NBPF4: variants seen among roughly 807,000 people sequenced by gnomAD.
NBPF4 encodes NBPF family member NBPF4.
A neutral mutation model predicts 21.1 loss-of-function variants in NBPF4; 11 were observed. The ratio of observed to expected loss-of-function variants is 0.52; its 90% CI spans 0.33 to 0.86. The LOEUF (loss-of-function observed/expected upper bound fraction) is 0.86, where lower values mean the gene tolerates loss of function less well. NBPF4 is among the 40% of genes least tolerant of loss of function. The pLI, the probability that NBPF4 is intolerant of heterozygous loss-of-function variation, is 0.03. For synonymous variants in NBPF4, 47 were observed against 106.4 expected, an observed-to-expected ratio of 0.44 and a Z score of 3.43; for missense variants, 88 against 265.3, an observed-to-expected ratio of 0.33 and a Z score of 4.64.
chr1:108,258,445 AATAGAATTGATTTTTGT>A, the NBPF4 span, among the ~76,000 whole-genome samples: 1 of 139,846 alleles, frequency 7.2e-6, no homozygotes, highest in African/African-American at 2.7e-5. Flanking sequence ...AATTACATAA[AATAGAATTGATTTTTGT>A]ATATTGACGT....
chr1:108,228,453 AG>A (rs1451663951), intron 13 of NBPF4, among the ~76,000 whole-genome samples: 21 of 150,136 alleles, frequency 1.4e-4, no homozygotes, highest in African/African-American at 4.9e-4. Context: ...GAGAAAGGAA[AG>A]GAAGAGGGGT....
At chr1:108,259,699 C>T in the NBPF4 span, among the ~76,000 whole-genome samples, 1 of 149,028 alleles carries the variant, frequency 6.7e-6, no homozygotes, top group Non-Finnish European at 1.5e-5. Context: ...ACAGTGAGAC[C>T]TCATCTTCTT....
At chr1:108,228,466 C>T (rs3870740) in intron 13 of NBPF4, among the ~76,000 whole-genome samples, 40,084 of 144,836 alleles carry the variant, frequency 0.28, 2,632 homozygotes, top group East Asian at 0.42. Flanking sequence ...AAGAGGGGTC[C>T]TAGAAAGCAG....
chr1:108,222,807 T>C lies in NBPF4; in HGVS notation c.*898A>G, dbSNP rs1194217047. Among the ~76,000 whole-genome samples, 1 of 152,212 alleles carries C rather than the reference T, an allele frequency of 6.6e-6. No individual in the cohort carries two copies. Among genetic ancestry groups the C allele is most frequent in the East Asian group, 1.9e-4 (1 of 5,188 alleles). ...TCACTAGAATACAGGATATTTATAC[T>C]ATTTCAAACCACTTTCCAAATTACT... On this transcript the variant is annotated 3_prime_UTR_variant, in exon 15 of 15. Transcript: ENST00000415641.
At chr1:108,246,199 A>G (rs1399072277), upstream of NBPF4, among the ~76,000 whole-genome samples, 1 of 121,368 alleles carries the variant, frequency 8.2e-6, no homozygotes, top group Non-Finnish European at 1.7e-5. Flanking sequence ...GGCTGCTGAG[A>G]GGCATGCTTT....
the NBPF4 span, among the ~76,000 whole-genome samples, chr1:108,257,889 C>G: frequency 2.5e-4 from 36 of 141,224 alleles, no homozygotes; most frequent in Admixed American, 7.2e-4. Flanking sequence ...GTTGGAATTA[C>G]AGGAGTGCAT....
Position 108,226,449 on chromosome 1 carries a change from T to A in NBPF4, c.1875+230A>T, listed in dbSNP as rs556862919. Among the ~76,000 whole-genome samples, 12 of 150,608 alleles carry A rather than the reference T, an allele frequency of 8.0e-5. No homozygotes were observed. In the East Asian group the frequency reaches 2.1e-3, roughly 27 times the overall value. ...TCTCCTGTGGCCATGAGAGGGACTC[T>A]CAAGACAGCAGAAAAAGGAATAGAG... On this transcript the variant is annotated intron_variant, in intron 14 of 14. Transcript: ENST00000415641.
upstream of NBPF4, among the ~76,000 whole-genome samples, chr1:108,244,949 C>T (rs1333853116): frequency 8.4e-3 from 213 of 25,332 alleles, 14 homozygotes; most frequent in African/African-American, 0.023. Flanking sequence ...TATATATATA[C>T]ACACACATAT....
At chr1:108,246,329 G>A (rs1866806), upstream of NBPF4, among the ~76,000 whole-genome samples, 7,006 of 99,362 alleles carry the variant, frequency 0.071, 505 homozygotes, top group East Asian at 0.16. Flanking sequence ...GATACAATAT[G>A]TATTTTATGG....
At chr1:108,264,120 G>A in the NBPF4 span, among the ~76,000 whole-genome samples, 117 of 137,942 alleles carry the variant, frequency 8.5e-4, no homozygotes, top group South Asian at 0.019. Flanking sequence ...AAGACTCATC[G>A]GTATGCTGTA....
At chr1:108,259,364 G>A in the NBPF4 span, among the ~76,000 whole-genome samples, 2 of 143,290 alleles carry the variant, frequency 1.4e-5, no homozygotes, top group Non-Finnish European at 3.0e-5. Context: ...TTTCTCAAAT[G>A]TTTATCTATA....
upstream of NBPF4, among the ~76,000 whole-genome samples, chr1:108,244,909 T>G (rs1239738992): frequency 2.6e-4 from 8 of 30,808 alleles, no homozygotes; most frequent in African/African-American, 1.1e-3. Context: ...GAGATATATA[T>G]ATATATATAT....
rs3069056 is a variant in NBPF4, at chr1:108,241,321, A to AAT, written c.279-159_279-158dup. ...AATGTCTGTGGCCAAGAGAAAGAAG[A>AAT]ATATATATATATATATATACACACA... On this transcript the variant is annotated intron_variant, in intron 3 of 14. Coordinates refer to ENST00000415641, the MANE Select transcript of NBPF4 (RefSeq NM_001143989.3). Among the ~76,000 whole-genome samples the AAT allele has an allele frequency of 1.5e-3, 190 of 124,472 alleles. 9 individuals are homozygous for AAT. Among genetic ancestry groups the AAT allele is most frequent in the East Asian group, 3.2e-3 (14 of 4,358 alleles). The allele number at this position is 124,472 out of a possible 152,430, so 81.7% of individuals were successfully genotyped here. A position where few individuals can be genotyped will look rare whatever the true frequency, so the allele number is the denominator to read the frequency against.
In NBPF4 at chr1:108,229,157, C is replaced by A; in HGVS notation, c.1424-1G>T. On this transcript the variant is annotated splice_acceptor_variant, in intron 12 of 14. Transcript: ENST00000415641. LOFTEE classifies it high-confidence loss of function. ...TGGGGACAGGCCGCCTCGGTGGGGG[C>A]TGAAAGGAGAAGGGGCTTCAGTAGG... The A allele has an allele frequency of 1.3e-6, 2 of 1,545,744 alleles. No individual in the cohort carries two copies. The highest frequency in any genetic ancestry group is 1.8e-6 in the Non-Finnish European group (2 of 1,142,146).
intron 14 of NBPF4, among the ~76,000 whole-genome samples, chr1:108,225,650 TTC>T (rs1173884320): frequency 1.5e-3 from 76 of 51,204 alleles, no homozygotes; most frequent in African/African-American, 4.8e-3. Context: ...GATTTTAGCC[TTC>T]TCTCTGACAA....
chr1:108,244,901 G>GATATATATATAT (rs1173565670), upstream of NBPF4, among the ~76,000 whole-genome samples: 38 of 12,430 alleles, frequency 3.1e-3, no homozygotes, highest in Non-Finnish European at 3.5e-3. Context: ...TATTGTTGGA[G>GATATATATATAT]ATATATATAT....
chr1:108,263,644 AG>A, the NBPF4 span, among the ~76,000 whole-genome samples: 1 of 87,808 alleles, frequency 1.1e-5, no homozygotes, highest in South Asian at 4.8e-4. Flanking sequence ...GCAGCCAGAA[AG>A]AAAGGCCAGG....
chr1:108,234,068 CCT>C (rs1322888596), intron 10 of NBPF4, among the ~76,000 whole-genome samples, 172 bp downstream of exon 10: 1 of 47,662 alleles, frequency 2.1e-5, no homozygotes, highest in Non-Finnish European at 5.3e-5. Flanking sequence ...CTGACCCACC[CCT>C]GTCTGTGCTT....
At chr1:108,247,476 G>C, upstream of NBPF4, among the ~76,000 whole-genome samples, 1 of 151,792 alleles carries the variant, frequency 6.6e-6, no homozygotes, top group Non-Finnish European at 1.5e-5. Flanking sequence ...CTGATACCAC[G>C]GACCTTACAG....
Sources: allele counts gnomAD v4.1 joint callset (sites outside exome capture counted in the v4.1 genomes callset), GRCh38; gene constraint gnomAD v4.1.1; transcripts MANE v1.5; gene names NCBI Gene and HGNC (gene_info 2026-07-23, HGNC 2026-07-21).